The following TIPRL variants were observed in gnomAD, a reference collection of about 807,000 sequenced individuals.
TIPRL encodes the protein TIP41-like protein.
In TIPRL, 10 loss-of-function variants were observed where a neutral mutation model predicts 32.3. The observed-to-expected ratio is 0.31, with a 90% confidence interval of 0.19 to 0.52. The LOEUF (loss-of-function observed/expected upper bound fraction) is 0.52. Among genes scored for constraint, TIPRL ranks in the 20% least tolerant of loss-of-function variants. The pLI is 0.96. For missense variants in TIPRL, 250 were observed against 328.1 expected (o/e 0.76, Z 1.84); for synonymous variants, 100 against 114.0 (o/e 0.88, Z 0.78).
chr1:168,185,327 CTTAAT>C (rs1454496260), intron 3 of TIPRL, among the ~76,000 whole-genome samples: 1 of 152,152 alleles, frequency 6.6e-6, no homozygotes, highest in African/African-American at 2.4e-5. Flanking sequence ...TAGGAAGTTA[CTTAAT>C]TTGAGTCTCA....
In TIPRL at chr1:168,183,995, G is replaced by A; in HGVS notation, c.198G>A (p.Glu66=). 1 of 1,614,158 alleles carries A rather than the reference G, an allele frequency of 6.2e-7. No individual in the cohort carries two copies. The highest frequency in any genetic ancestry group is 8.5e-7 in the Non-Finnish European group (1 of 1,180,008). The change falls in exon 2 of 7, where the codon GAG becomes GAA. Residue 66 remains glutamate, a synonymous_variant. Coordinates refer to ENST00000367833, the MANE Select transcript of TIPRL (RefSeq NM_152902.5). ...AGCATGGGTCTGGCTTTGGAATTGAGTTCAATGCTACAGATGCGTTAAGAT... is the reference window on the plus strand; with the variant it reads ...AGCATGGGTCTGGCTTTGGAATTGAATTCAATGCTACAGATGCGTTAAGAT... The part of the protein sequence containing the change: ...RIQHGSGFGI[E]FNATDALRCV...
In TIPRL at chr1:168,181,465, G is replaced by T. The variant is rs934634730; in HGVS notation, c.104+2284G>T. 2.0e-5 allele frequency among the ~76,000 whole-genome samples: 3 copies of T among 151,602 alleles called. No homozygotes were observed. In the East Asian group the frequency reaches 5.9e-4, roughly 30 times the overall value. ...ACCTCAGATGATCCACCTGCCCTCG[G>T]CCTCCCAAAGTGCTGGGATTACAGG... On this transcript the variant is annotated intron_variant, in intron 1 of 6. Coordinates refer to ENST00000367833, the MANE Select transcript of TIPRL (RefSeq NM_152902.5).
At chr1:168,186,024 G>A (rs1195828261) in intron 3 of TIPRL, among the ~76,000 whole-genome samples, 1 of 132,092 alleles carries the variant, frequency 7.6e-6, no homozygotes. Flanking sequence ...GCAGTGAGCT[G>A]AGATCACACT....
chr1:168,191,289 A>G, intron 3 of TIPRL, 80 bp from the exon 4 acceptor site: 2 of 1,322,250 alleles, frequency 1.5e-6, no homozygotes, highest in African/African-American at 1.6e-5. Flanking sequence ...GAAAAAGAAA[A>G]GAAAAGACTG....
chr1:168,187,100 A>T (rs1358377658), intron 3 of TIPRL, among the ~76,000 whole-genome samples: 2 of 152,236 alleles, frequency 1.3e-5, no homozygotes, highest in Non-Finnish European at 2.9e-5. Flanking sequence ...CACTAATGCT[A>T]GGAGCCTTGG....
chr1:168,192,806 A>C (rs1700114502), intron 4 of TIPRL, among the ~76,000 whole-genome samples: 1 of 152,222 alleles, frequency 6.6e-6, no homozygotes, highest in African/African-American at 2.4e-5. Flanking sequence ...GAATGGCGTG[A>C]ACCCGGAAGG....
At chr1:168,184,234 G>A (rs569713313) in intron 2 of TIPRL, among the ~76,000 whole-genome samples, 153 bp downstream of exon 2, 15 of 152,256 alleles carry the variant, frequency 9.9e-5, no homozygotes, top group African/African-American at 3.1e-4. Flanking sequence ...TCTAGAATTC[G>A]TTTTTCTCAG....
In TIPRL at chr1:168,202,101, A is replaced by G. The variant is rs936206922; in HGVS notation, c.*2055A>G. 1 of 152,146 alleles carries G rather than the reference A, an allele frequency of 6.6e-6. No homozygotes were observed. Among genetic ancestry groups the G allele is most frequent in the Non-Finnish European group, 1.5e-5 (1 of 68,010 alleles). 9.4% of individuals were successfully genotyped at this position (152,146 alleles called of 1,614,324 possible). On this transcript the variant is annotated 3_prime_UTR_variant, in exon 7 of 7. Transcript: ENST00000367833. ...TGTAAGAGGAGAATAAACAATAAGG[A>G]ATTACTGATCAAAGTTTTACTATTT...
Position 168,179,087 on chromosome 1 carries a change from C to T in TIPRL, c.10C>T (p.His4Tyr). 6.2e-7 allele frequency: 1 copy of T among 1,613,670 alleles called. No individual in the cohort carries two copies. Among genetic ancestry groups the T allele is most frequent in the Non-Finnish European group, 8.5e-7 (1 of 1,179,766 alleles). The change falls in exon 1 of 7, where the codon CAC becomes TAC. Residue 4 changes from histidine to tyrosine, a missense_variant. Transcript: ENST00000367833. ...GGGTCCTGCCTCAGCCATGATGATC[C>T]ACGGCTTCCAGAGCAGCCACCGGGA... is the stretch of plus-strand genomic sequence containing the variant. MMI[H>Y]GFQSSHRDFC...
intron 3 of TIPRL, among the ~76,000 whole-genome samples, chr1:168,190,527 C>G (rs74121024): frequency 0.016 from 2,399 of 152,268 alleles, 55 homozygotes; most frequent in African/African-American, 0.055. Context: ...AAACAAATCA[C>G]CTAATCATGA....
At chr1:168,183,039 C>T (rs1453491166) in intron 1 of TIPRL, among the ~76,000 whole-genome samples, 4 of 152,198 alleles carry the variant, frequency 2.6e-5, no homozygotes, top group Non-Finnish European at 5.9e-5. Flanking sequence ...GATATGTGCA[C>T]ACAGAAATAC....
intron 4 of TIPRL, among the ~76,000 whole-genome samples, chr1:168,195,976 C>G (rs752434545): frequency 2.0e-5 from 3 of 152,204 alleles, no homozygotes; most frequent in Non-Finnish European, 4.4e-5. Context: ...TTCTGCCTAT[C>G]ATTAGTAGTT....
chr1:168,179,256 C>G, intron 1 of TIPRL, 75 bp downstream of exon 1: 1 of 1,307,686 alleles, frequency 7.6e-7, no homozygotes, highest in Non-Finnish European at 1.1e-6. Flanking sequence ...GAACTCTGTG[C>G]AGCCCCTCCC....
At chr1:168,182,136 A>C (rs75562105) in intron 1 of TIPRL, among the ~76,000 whole-genome samples, 4,153 of 152,092 alleles carry the variant, frequency 0.027, 75 homozygotes, top group African/African-American at 0.042. Context: ...ACCAATCCCA[A>C]ATTTTTCTGT....
chr1:168,181,740 G>A (rs1488308387), intron 1 of TIPRL, among the ~76,000 whole-genome samples: 1 of 151,546 alleles, frequency 6.6e-6, no homozygotes, highest in Non-Finnish European at 1.5e-5. Flanking sequence ...CCATATCTAC[G>A]ATCTCCTTAT....
chr1:168,199,843 A>T, intron 6 of TIPRL, 60 bp from the exon 7 acceptor site: 2 of 1,542,752 alleles, frequency 1.3e-6, no homozygotes, highest in Non-Finnish European at 1.7e-6. Flanking sequence ...GAACCAAAAC[A>T]TTTGTAAAAA....
chr1:168,185,440 T>C (rs1700014167), intron 3 of TIPRL, among the ~76,000 whole-genome samples: 1 of 152,162 alleles, frequency 6.6e-6, no homozygotes. Context: ...TCTAAAGCTC[T>C]ATATTAGTAT....
rs781775909 is a variant in TIPRL at position 168,199,966 on chromosome 1, G to A, written c.739G>A (p.Ala247Thr). 4 of 1,613,542 alleles carry A rather than the reference G, an allele frequency of 2.5e-6. No individual in the cohort carries two copies. The East Asian group carries it at 8.9e-5, about 36-fold the overall frequency. ...ATCCCAGTATTTACCAATAAAGGAAGCAGTTTGTGAGAAGCTAATATTTCC... is the reference window on the plus strand; with the variant it reads ...ATCCCAGTATTTACCAATAAAGGAAACAGTTTGTGAGAAGCTAATATTTCC... ...EISQYLPIKE[A>T]VCEKLIFPER... The change falls in exon 7 of 7, where the codon GCA becomes ACA. Residue 247 changes from alanine to threonine, a missense_variant. Ala to Thr is a moderately conservative substitution (Grantham distance 58). Coordinates refer to ENST00000367833, the MANE Select transcript of TIPRL (RefSeq NM_152902.5).
At chr1:168,193,147 C>CA (rs1305045170) in intron 4 of TIPRL, among the ~76,000 whole-genome samples, 1 of 152,118 alleles carries the variant, frequency 6.6e-6, no homozygotes, top group Non-Finnish European at 1.5e-5. Flanking sequence ...ATGATGGTGC[C>CA]ACTGCACCCC....
Sources: gnomAD v4.1 joint callset for allele counts (sites outside exome capture counted in the v4.1 genomes callset) on GRCh38, gnomAD v4.1.1 for gene constraint, MANE v1.5 for transcripts, NCBI Gene and HGNC (gene_info 2026-07-23, HGNC 2026-07-21) for gene names.